Variants in PCDH7 observed in about 807,000 individuals in gnomAD.
PCDH7 encodes the protein protocadherin 7, also known as protocadherin-7.
A neutral mutation model predicts 58.9 loss-of-function variants in PCDH7; 17 were observed. The observed-to-expected ratio is 0.29, with a 90% CI of 0.20 to 0.43. PCDH7 has a LOEUF of 0.43. Among genes scored for constraint, PCDH7 ranks in the 20% least tolerant of loss-of-function variants. PCDH7 has a pLI of 1.00. For missense variants in PCDH7, 1,274 were observed against 1,441.0 expected (o/e 0.88, Z 1.88); for synonymous variants, 664 against 616.4 (o/e 1.08, Z -1.14).
intron 3 of PCDH7, among the ~76,000 whole-genome samples, chr4:30,981,658 T>TTAGGTATTATAATACAGCTTCC (rs1750579177): frequency 6.6e-6 from 1 of 152,178 alleles, no homozygotes; most frequent in Non-Finnish European, 1.5e-5. Context: ...ATATATCAGT[T>TTAGGTATTATAATACAGCTTCC]TAGGTATTAT....
intron 1 of PCDH7, among the ~76,000 whole-genome samples, chr4:30,806,370 T>C (rs949149584): frequency 2.0e-5 from 3 of 151,992 alleles, no homozygotes; most frequent in African/African-American, 7.3e-5. Context: ...AGTTGCACAA[T>C]CTTGGCTCAC....
intron 3 of PCDH7, among the ~76,000 whole-genome samples, chr4:31,067,885 C>T (rs1003088134): frequency 5.9e-5 from 9 of 151,870 alleles, no homozygotes; most frequent in Admixed American, 2.0e-4. Context: ...ATGAGAGCGG[C>T]GCAATACCTT....
chr4:30,807,518 A>C (rs1726386762), intron 1 of PCDH7, among the ~76,000 whole-genome samples: 1 of 152,196 alleles, frequency 6.6e-6, no homozygotes, highest in African/African-American at 2.4e-5. Flanking sequence ...AAAGAACTGC[A>C]ATCATGAGCT....
chr4:31,059,925 A>G (rs562776009), intron 3 of PCDH7, among the ~76,000 whole-genome samples: 68 of 151,906 alleles, frequency 4.5e-4, no homozygotes, highest in African/African-American at 1.4e-3. Context: ...CAAGTTGAAG[A>G]GATTGAGCAA....
intron 2 of PCDH7, chr4:30,935,323 G>C: frequency 3.1e-6 from 3 of 981,372 alleles, no homozygotes; most frequent in Non-Finnish European, 3.6e-6. Context: ...AATGTTTACT[G>C]GCCTCATATT....
intron 1 of PCDH7, chr4:30,868,962 A>G (rs930698667): frequency 3.9e-5 from 6 of 152,252 alleles, no homozygotes; most frequent in Admixed American, 1.3e-4. Context: ...AAAGGGGTGA[A>G]CTAAAAATAT....
chr4:30,910,079 G>A (rs1741530026), intron 1 of PCDH7, among the ~76,000 whole-genome samples: 1 of 152,148 alleles, frequency 6.6e-6, no homozygotes, highest in Non-Finnish European at 1.5e-5. Flanking sequence ...ATGGAGAAAG[G>A]ATTCCCTGTT....
At chr4:30,814,965 C>T (rs1727481238) in intron 1 of PCDH7, among the ~76,000 whole-genome samples, 1 of 151,876 alleles carries the variant, frequency 6.6e-6, no homozygotes, top group Admixed American at 6.6e-5. Flanking sequence ...GTCTCTTTCC[C>T]TGTACTAGAT....
intron 1 of PCDH7, among the ~76,000 whole-genome samples, chr4:30,887,409 C>T (rs1737967599): frequency 6.6e-6 from 1 of 151,996 alleles, no homozygotes; most frequent in Non-Finnish European, 1.5e-5. Context: ...TCTTTATATC[C>T]TAAGAGTTCA....
intron 3 of PCDH7, among the ~76,000 whole-genome samples, chr4:31,058,441 C>G (rs1163627186): frequency 6.6e-6 from 1 of 151,824 alleles, no homozygotes; most frequent in Non-Finnish European, 1.5e-5. Context: ...AAAATTTACC[C>G]CAAAATTTAT....
intron 1 of PCDH7, among the ~76,000 whole-genome samples, chr4:30,816,964 A>G (rs1444275127): frequency 6.6e-6 from 1 of 152,144 alleles, no homozygotes; most frequent in African/African-American, 2.4e-5. Flanking sequence ...TTCTTGCATC[A>G]CTTTGCCAGA....
At chr4:30,744,703 G>GCAT (rs771210557) in intron 1 of PCDH7, among the ~76,000 whole-genome samples, 1 of 152,190 alleles carries the variant, frequency 6.6e-6, no homozygotes, top group African/African-American at 2.4e-5. Context: ...TATCAGTCCT[G>GCAT]CATCAGTCTT....
At chr4:31,134,122 T>G (rs1325837724) in intron 3 of PCDH7, among the ~76,000 whole-genome samples, 1 of 152,154 alleles carries the variant, frequency 6.6e-6, no homozygotes, top group Non-Finnish European at 1.5e-5. Context: ...GCATTGTACT[T>G]GCAGTGATAT....
chr4:30,980,401 T>C (rs892825063), intron 3 of PCDH7, among the ~76,000 whole-genome samples: 5 of 152,238 alleles, frequency 3.3e-5, no homozygotes, highest in Admixed American at 2.0e-4. Flanking sequence ...TTTTTGGTTT[T>C]GTTTTTGTGA....
chr4:31,031,498 A>T (rs1560588983), intron 3 of PCDH7, among the ~76,000 whole-genome samples: 1 of 152,212 alleles, frequency 6.6e-6, no homozygotes, highest in Non-Finnish European at 1.5e-5. Flanking sequence ...AGATTATGTG[A>T]AAGAGCATAA....
chr4:30,833,247 A>G (rs184307534), intron 1 of PCDH7, among the ~76,000 whole-genome samples: 157 of 152,252 alleles, frequency 1.0e-3, no homozygotes, highest in African/African-American at 3.3e-3. Flanking sequence ...GAAGCAGGAA[A>G]TGGGTCTCAG....
rs182263871 is a variant in PCDH7 at position 31,052,574 on chromosome 4, T to C, written c.*8-89899T>C. 5.3e-4 allele frequency among the ~76,000 whole-genome samples: 80 copies of C among 152,282 alleles called. 1 individual carries two copies. The Middle Eastern group carries it at 0.01, about 19-fold the overall frequency. ...TACCTAGTCTTCACCCTCAAGACAC[T>C]GTCCCAAATAAAAATGGCTCTTTAA... On this transcript the variant is annotated intron_variant, in intron 3 of 3. Transcript: ENST00000509759.
At chr4:31,062,961 T>A (rs1471972846) in intron 3 of PCDH7, among the ~76,000 whole-genome samples, 1 of 151,908 alleles carries the variant, frequency 6.6e-6, no homozygotes, top group Non-Finnish European at 1.5e-5. Flanking sequence ...GTATAGCTAG[T>A]ATAACTACAG....
chr4:31,098,025 A>G (rs2109296545), intron 3 of PCDH7, among the ~76,000 whole-genome samples: 1 of 152,256 alleles, frequency 6.6e-6, no homozygotes, highest in South Asian at 2.1e-4. Context: ...AAGGGAAAGT[A>G]TTTGGGTGCA....
Sources: gnomAD v4.1 joint callset for allele counts (sites outside exome capture counted in the v4.1 genomes callset) on GRCh38, gnomAD v4.1.1 for gene constraint, MANE v1.5 for transcripts, NCBI Gene and HGNC (gene_info 2026-07-23, HGNC 2026-07-21) for gene names.